TMLHE: variants seen among roughly 807,000 people sequenced by gnomAD.
The protein encoded by TMLHE is trimethyllysine dioxygenase, mitochondrial.
In TMLHE, 18 loss-of-function variants were observed where a neutral mutation model predicts 25.7. The observed-to-expected ratio is 0.70, with a 90% CI of 0.48 to 1.04. The LOEUF (loss-of-function observed/expected upper bound fraction) is 1.04, where lower values mean the gene tolerates loss of function less well. Ranked by LOEUF, TMLHE falls within the 50% of genes least tolerant of loss-of-function variation. The pLI is 0.00. For synonymous variants in TMLHE, 105 were observed against 97.0 expected (o/e 1.08, Z -0.49); for missense variants, 236 against 259.0 (o/e 0.91, Z 0.61).
At chrX:155,530,351 C>T (rs782622963) in intron 2 of TMLHE, among the ~76,000 whole-genome samples, 55 of 110,153 alleles carry the variant, frequency 5.0e-4, no homozygotes, top group Non-Finnish European at 7.6e-4. Flanking sequence ...CATTTGTATC[C>T]GGAATCTTAA....
chrX:155,597,088 C>T (rs1557346622), intron 1 of TMLHE, among the ~76,000 whole-genome samples: 3 of 88,943 alleles, frequency 3.4e-5, no homozygotes, highest in Non-Finnish European at 6.4e-5. Flanking sequence ...TCCATGTGTT[C>T]TCATTGTTCA....
chrX:155,594,076 G>A (rs1206606883), intron 1 of TMLHE, among the ~76,000 whole-genome samples: 3 of 111,621 alleles, frequency 2.7e-5, no homozygotes, highest in African/African-American at 9.8e-5. Context: ...CAAAAGTCTG[G>A]CAAAGGAAGC....
At chrX:155,554,149 T>G (rs1279703114) in intron 1 of TMLHE, among the ~76,000 whole-genome samples, 1 of 110,229 alleles carries the variant, frequency 9.1e-6, no homozygotes, top group African/African-American at 3.3e-5. Flanking sequence ...ACTACAGGCA[T>G]GCACTACCTT....
intron 1 of TMLHE, among the ~76,000 whole-genome samples, chrX:155,596,877 T>A (rs1020430090): frequency 4.0e-4 from 45 of 111,397 alleles, no homozygotes; most frequent in Non-Finnish European, 6.2e-4. Flanking sequence ...TCTTTTTTTT[T>A]AAATTCTATT....
intron 1 of TMLHE, among the ~76,000 whole-genome samples, chrX:155,588,552 A>G (rs1557345554): frequency 8.9e-6 from 1 of 111,826 alleles, no homozygotes; most frequent in East Asian, 2.8e-4. Context: ...GAGACAACCC[A>G]TTGAATGGGA....
intron 1 of TMLHE, among the ~76,000 whole-genome samples, chrX:155,588,150 T>C (rs925757398): frequency 8.9e-6 from 1 of 111,866 alleles, no homozygotes; most frequent in Non-Finnish European, 1.9e-5. Flanking sequence ...TAAAAACAGA[T>C]GACACATAGA....
At chrX:155,593,865 A>C (rs891142783) in intron 1 of TMLHE, among the ~76,000 whole-genome samples, 1 of 111,446 alleles carries the variant, frequency 9.0e-6, no homozygotes, top group African/African-American at 3.3e-5. Context: ...CAGTGAGCTC[A>C]AAGACAGAAC....
chrX:155,607,913 T>C (rs782731863), intron 1 of TMLHE, among the ~76,000 whole-genome samples: 1 of 111,959 alleles, frequency 8.9e-6, no homozygotes, highest in African/African-American at 3.2e-5. Flanking sequence ...TCGGAGATGA[T>C]ACAAACAAAT....
chrX:155,513,022 C>T (rs1164516054), intron 4 of TMLHE, among the ~76,000 whole-genome samples: 1 of 111,415 alleles, frequency 9.0e-6, no homozygotes, highest in Non-Finnish European at 1.9e-5. Flanking sequence ...ATCCCTAAAA[C>T]TGTCTCAATT....
At chrX:155,577,042 C>A (rs1343002859) in intron 1 of TMLHE, among the ~76,000 whole-genome samples, 1 of 111,415 alleles carries the variant, frequency 9.0e-6, no homozygotes, top group Non-Finnish European at 1.9e-5. Context: ...TTTTGCACAG[C>A]AAAAGAAACT....
intron 1 of TMLHE, among the ~76,000 whole-genome samples, chrX:155,577,932 A>G (rs1557344020): frequency 9.0e-6 from 1 of 111,434 alleles, no homozygotes; most frequent in African/African-American, 3.3e-5. Flanking sequence ...GTGCCTGCCT[A>G]TGTTGCTCCC....
intron 1 of TMLHE, among the ~76,000 whole-genome samples, chrX:155,595,873 G>C (rs2067717547): frequency 9.0e-6 from 1 of 111,724 alleles, no homozygotes; most frequent in African/African-American, 3.2e-5. Flanking sequence ...GACAATTTCA[G>C]ACAGAGGTTT....
chrX:155,524,083 A>G (rs2067204588), intron 3 of TMLHE, among the ~76,000 whole-genome samples: 1 of 111,600 alleles, frequency 9.0e-6, no homozygotes, highest in South Asian at 3.7e-4. Flanking sequence ...GATGTCATGT[A>G]TCTGCAAATA....
At chrX:155,547,203 G>A (rs782447695) in intron 1 of TMLHE, among the ~76,000 whole-genome samples, 2 of 94,587 alleles carry the variant, frequency 2.1e-5, no homozygotes, top group East Asian at 3.5e-4. Flanking sequence ...GGAGTGCAGT[G>A]GCGCTATCTC....
At chrX:155,584,641 A>G (rs2067653050) in intron 1 of TMLHE, among the ~76,000 whole-genome samples, 2 of 111,530 alleles carry the variant, frequency 1.8e-5, no homozygotes, top group South Asian at 7.5e-4. Flanking sequence ...CACCAATAAA[A>G]GAACTCTCAT....
intron 2 of TMLHE, among the ~76,000 whole-genome samples, chrX:155,534,303 G>A (rs1175074713): frequency 1.8e-5 from 2 of 111,857 alleles, no homozygotes; most frequent in Non-Finnish European, 3.8e-5. Context: ...GTGCGATCTC[G>A]GCTTACTGCA....
At chrX:155,515,884 A>G (rs1314960231) in intron 3 of TMLHE, among the ~76,000 whole-genome samples, 7 of 110,513 alleles carry the variant, frequency 6.3e-5, no homozygotes, top group Non-Finnish European at 9.5e-5. Context: ...ATTCACTCAT[A>G]TAGCCCACAA....
intron 2 of TMLHE, among the ~76,000 whole-genome samples, chrX:155,541,635 T>A (rs1037219747): frequency 1.4e-4 from 16 of 111,894 alleles, no homozygotes; most frequent in Admixed American, 1.2e-3. Flanking sequence ...TCTTCCACAA[T>A]GGTTGAACTA....
At chrX:155,567,133 G>T (rs2067513774) in intron 1 of TMLHE, among the ~76,000 whole-genome samples, 2 of 62,332 alleles carry the variant, frequency 3.2e-5, no homozygotes, top group African/African-American at 7.1e-5. Flanking sequence ...ACAATCATTG[G>T]TTGCAGAATA....
Sources: gnomAD v4.1 joint callset for allele counts (sites outside exome capture counted in the v4.1 genomes callset) on GRCh38, gnomAD v4.1.1 for gene constraint, MANE v1.5 for transcripts, NCBI Gene and HGNC (gene_info 2026-07-23, HGNC 2026-07-21) for gene names.